GRAMD1B: variants seen among roughly 807,000 people sequenced by gnomAD.
GRAMD1B encodes the protein protein Aster-B.
In GRAMD1B, 37 loss-of-function variants were observed where a neutral mutation model predicts 99.7. The observed-to-expected ratio is 0.37, with a 90% CI of 0.29 to 0.49. The LOEUF is 0.49. GRAMD1B is among the 20% of genes least tolerant of loss of function. GRAMD1B has a pLI of 0.98. For synonymous variants in GRAMD1B, 427 were observed against 387.6 expected (o/e 1.10, Z -1.19); for missense variants, 888 against 1,009.2 (o/e 0.88, Z 1.63).
chr11:123,524,169 G>A (rs1169752127), intron 2 of GRAMD1B, among the ~76,000 whole-genome samples: 1 of 152,046 alleles, frequency 6.6e-6, no homozygotes, highest in African/African-American at 2.4e-5. Context: ...CAATCCCCAA[G>A]CCCTCCTCCT....
intron 2 of GRAMD1B, among the ~76,000 whole-genome samples, chr11:123,517,621 G>A (rs1043867479): frequency 1.3e-5 from 2 of 151,088 alleles, no homozygotes; most frequent in African/African-American, 4.9e-5. Context: ...CTAGAATCGC[G>A]GTGCTAAACC....
rs549139404 is a variant in GRAMD1B, at chr11:123,416,193, A to G, written c.-176+57394A>G. ...TTAGTTACAGTACATTGAATTAGCT[A>G]TACCAGTTGCTTCTCCTGTAATGAA... On this transcript the variant is annotated intron_variant, in intron 1 of 20. Transcript: ENST00000638157. Among the ~76,000 whole-genome samples the G allele has an allele frequency of 1.4e-4, 21 of 152,282 alleles. No individual in the cohort carries two copies. The South Asian group carries it at 1.4e-3, about 11-fold the overall frequency.
In GRAMD1B at chr11:123,578,289, G is replaced by A. The variant is rs928420703; in HGVS notation, c.663+712G>A. 4 of 792,764 alleles carry A rather than the reference G, an allele frequency of 5.0e-6. No homozygotes were observed. In the African/African-American group the frequency reaches 6.8e-5, roughly 14 times the overall value. 49.1% of individuals were successfully genotyped at this position (792,764 alleles called of 1,614,324 possible). A position where few individuals can be genotyped will look rare whatever the true frequency, so the allele number is the denominator to read the frequency against. On this transcript the variant is annotated intron_variant, in intron 3 of 19. Coordinates refer to ENST00000635736, the MANE Select transcript of GRAMD1B (RefSeq NM_001387025.1). ...ACCCCCAGGGCCTGGGAAGGGGTTG[G>A]GGACCCCTGGGAGGCATGGGAGCTG...
At chr11:123,463,338 A>ATCAGAGT (rs1180782249) in intron 1 of GRAMD1B, among the ~76,000 whole-genome samples, 1 of 152,222 alleles carries the variant, frequency 6.6e-6, no homozygotes, top group African/African-American at 2.4e-5. Flanking sequence ...TAAAATGGGG[A>ATCAGAGT]TCAGAGTGTA....
At chr11:123,491,992 G>A (rs1938604752) in intron 2 of GRAMD1B, 1 of 398,888 alleles carries the variant, frequency 2.5e-6, no homozygotes, top group African/African-American at 2.1e-5. Flanking sequence ...ATTAGGTTTG[G>A]GATTGCCTGG....
intron 1 of GRAMD1B, among the ~76,000 whole-genome samples, chr11:123,383,449 A>G (rs1352245647): frequency 2.0e-5 from 3 of 151,830 alleles, no homozygotes; most frequent in Non-Finnish European, 4.4e-5. Flanking sequence ...GTAATGTTAA[A>G]CTCCTTGCAA....
chr11:123,562,407 A>G (rs1946870632), intron 2 of GRAMD1B, among the ~76,000 whole-genome samples: 1 of 152,150 alleles, frequency 6.6e-6, no homozygotes, highest in African/African-American at 2.4e-5. Flanking sequence ...CAGACAGTCA[A>G]TACTGGAGGC....
chr11:123,469,723 CTTTTTT>C (rs901354333), intron 1 of GRAMD1B, among the ~76,000 whole-genome samples: 1 of 149,244 alleles, frequency 6.7e-6, no homozygotes, highest in African/African-American at 2.5e-5. Flanking sequence ...TTCTTTCTTT[CTTTTTT>C]TCTTTCTTTC....
At chr11:123,505,898 A>G (rs1231608418) in intron 2 of GRAMD1B, among the ~76,000 whole-genome samples, 1 of 152,092 alleles carries the variant, frequency 6.6e-6, no homozygotes, top group Non-Finnish European at 1.5e-5. Flanking sequence ...TCATCTACAT[A>G]TACAGGGAGC....
chr11:123,489,405 T>G (rs1042259160), intron 2 of GRAMD1B, among the ~76,000 whole-genome samples: 1 of 152,030 alleles, frequency 6.6e-6, no homozygotes, highest in East Asian at 1.9e-4. Context: ...AGCACAGCAA[T>G]GAGAATATAG....
intron 2 of GRAMD1B, among the ~76,000 whole-genome samples, chr11:123,541,199 C>G (rs1393695006): frequency 1.3e-5 from 2 of 152,154 alleles, no homozygotes; most frequent in East Asian, 3.9e-4. Context: ...TGGTCTCAAA[C>G]TCCTGACCTC....
chr11:123,625,410 T>A lies in GRAMD1B; in HGVS notation c.*2815T>A, dbSNP rs909433059. ...AGTTTCTAACAAGGTGAAGAACAGC[T>A]ATAGGATCTAAAGTTCCATTACAGC... On this transcript the variant is annotated 3_prime_UTR_variant, in exon 20 of 20. Transcript: ENST00000635736. The A allele has an allele frequency of 3.3e-5, 5 of 152,244 alleles. No individual in the cohort carries two copies. Among genetic ancestry groups the A allele is most frequent in the Admixed American group, 1.3e-4 (2 of 15,284 alleles). The allele number at this position is 152,244 out of a possible 1,614,324, so 9.4% of individuals were successfully genotyped here.
chr11:123,453,659 C>T (rs182317625), intron 1 of GRAMD1B, among the ~76,000 whole-genome samples: 5 of 152,200 alleles, frequency 3.3e-5, no homozygotes, highest in Admixed American at 2.0e-4. Context: ...TTCCTTAGGG[C>T]AGGCTAAGTA....
At chr11:123,595,564 G>T (rs1479508932) in intron 6 of GRAMD1B, among the ~76,000 whole-genome samples, 1 of 152,162 alleles carries the variant, frequency 6.6e-6, no homozygotes, top group African/African-American at 2.4e-5. Flanking sequence ...AAAGTGCTGT[G>T]ATTACAGATG....
rs1193530640 is a variant in GRAMD1B, at chr11:123,619,160, A to G, written c.2480A>G (p.Tyr827Cys). The G allele has an allele frequency of 6.4e-7, 1 of 1,571,642 alleles. No homozygotes were observed. Among genetic ancestry groups the G allele is most frequent in the East Asian group, 2.4e-5 (1 of 42,466 alleles). Residue 827 changes from tyrosine (Y) to cysteine (C), a missense_variant, in exon 19 of 20, where the codon TAC becomes TGC. Coordinates refer to ENST00000635736, the MANE Select transcript of GRAMD1B (RefSeq NM_001387025.1). ...WAQLLESQQK[Y>C]HDTELQKWRE... ...CAGCTCTTAGAGTCCCAACAAAAGT[A>G]CCACGATACTGAGCTCCAAAAATGG...
chr11:123,477,392 C>T (rs113056716), intron 1 of GRAMD1B, among the ~76,000 whole-genome samples: 1 of 146,730 alleles, frequency 6.8e-6, no homozygotes, highest in South Asian at 2.2e-4. Flanking sequence ...AAAATGGAAA[C>T]GGTAAGTGGT....
chr11:123,618,427 G>C (rs1044962420), intron 17 of GRAMD1B: 7 of 1,436,186 alleles, frequency 4.9e-6, no homozygotes, highest in Non-Finnish European at 6.9e-6. Flanking sequence ...CTTCCCCCAG[G>C]TGCCCAGGTT....
Position 123,437,540 on chromosome 11 carries a change from T to G in GRAMD1B, c.374+6374T>G, listed in dbSNP as rs189367005. Among the ~76,000 whole-genome samples the G allele has an allele frequency of 5.7e-4, 87 of 152,274 alleles. 1 individual carries two copies. The highest frequency in any genetic ancestry group is 2.4e-3 in the Admixed American group (36 of 15,298). On this transcript the variant is annotated intron_variant, in intron 1 of 19. Coordinates refer to ENST00000635736, the MANE Select transcript of GRAMD1B (RefSeq NM_001387025.1). ...ACTGTTACTATCTTTTGTACCATCT[T>G]TCACCTGGCTGTTATGTCCCTTCTT...
chr11:123,501,252 C>T (rs1165108612), intron 2 of GRAMD1B, among the ~76,000 whole-genome samples: 2 of 152,104 alleles, frequency 1.3e-5, no homozygotes, highest in African/African-American at 4.8e-5. Context: ...CTCACTGCAA[C>T]CTTTACCTCC....
Sources: allele counts gnomAD v4.1 joint callset (sites outside exome capture counted in the v4.1 genomes callset), GRCh38; gene constraint gnomAD v4.1.1; transcripts MANE v1.5; gene names NCBI Gene and HGNC (gene_info 2026-07-23, HGNC 2026-07-21).